The following SYNPR variants were observed in gnomAD, a reference collection of about 807,000 sequenced individuals.
SYNPR encodes the protein synaptoporin.
A neutral mutation model predicts 32.9 loss-of-function variants in SYNPR; 23 were observed. The observed-to-expected ratio is 0.70, with a 90% confidence interval of 0.50 to 0.99. The LOEUF (loss-of-function observed/expected upper bound fraction) is 0.99, where lower values mean the gene tolerates loss of function less well. Ranked by LOEUF, SYNPR falls within the 50% of genes least tolerant of loss-of-function variation. The pLI, the probability that SYNPR is intolerant of heterozygous loss-of-function variation, is 0.00. For missense variants in SYNPR, 318 were observed against 349.3 expected (o/e 0.91, Z 0.71); for synonymous variants, 146 against 135.9 (o/e 1.07, Z -0.52).
intron 4 of SYNPR, among the ~76,000 whole-genome samples, chr3:63,566,943 T>C (rs1575715000): frequency 6.6e-6 from 1 of 152,308 alleles, no homozygotes; most frequent in African/African-American, 2.4e-5. Context: ...TTAAATCTCA[T>C]TGGACTGATC....
intron 3 of SYNPR, among the ~76,000 whole-genome samples, chr3:63,504,510 T>C (rs1416843721): frequency 6.6e-6 from 1 of 152,186 alleles, no homozygotes; most frequent in Non-Finnish European, 1.5e-5. Flanking sequence ...AAAGTTTATC[T>C]ACAAGTCAGT....
At chr3:63,328,735 C>T (rs1365072629) in intron 2 of SYNPR, among the ~76,000 whole-genome samples, 3 of 152,062 alleles carry the variant, frequency 2.0e-5, no homozygotes, top group African/African-American at 7.2e-5. Context: ...CTCTGAATTC[C>T]CCAGAGCTGG....
intron 2 of SYNPR, among the ~76,000 whole-genome samples, chr3:63,410,673 C>T (rs2088452286): frequency 6.6e-6 from 1 of 152,148 alleles, no homozygotes; most frequent in African/African-American, 2.4e-5. Flanking sequence ...CCTAAAAACT[C>T]ACTTCCAGCC....
intron 2 of SYNPR, among the ~76,000 whole-genome samples, chr3:63,334,559 G>GT (rs1191395038): frequency 5.5e-4 from 77 of 141,088 alleles, no homozygotes; most frequent in African/African-American, 1.7e-3. Context: ...TGTGTGTGTG[G>GT]ACACACGTGG....
At chr3:63,430,862 T>C (rs1456242641) in intron 2 of SYNPR, among the ~76,000 whole-genome samples, 2 of 152,168 alleles carry the variant, frequency 1.3e-5, no homozygotes, top group Admixed American at 1.3e-4. Context: ...TCACAGGCAG[T>C]AGCTGGAAAA....
intron 3 of SYNPR, among the ~76,000 whole-genome samples, chr3:63,270,870 TC>T (rs1183375166): frequency 8.9e-5 from 8 of 90,134 alleles, no homozygotes; most frequent in South Asian, 2.8e-4. Context: ...TTTCCTTCCT[TC>T]CTTCCTTCCT....
chr3:63,357,432 G>A (rs1272114506), intron 2 of SYNPR, among the ~76,000 whole-genome samples: 1 of 152,112 alleles, frequency 6.6e-6, no homozygotes, highest in Non-Finnish European at 1.5e-5. Context: ...CTAGCCATGA[G>A]TCTTTGGTTT....
chr3:63,374,617 A>G (rs1055231538), intron 2 of SYNPR, among the ~76,000 whole-genome samples: 1 of 152,342 alleles, frequency 6.6e-6, no homozygotes, highest in African/African-American at 2.4e-5. Context: ...AAATAATCCA[A>G]ATTCTATTGT....
At chr3:63,377,906 A>G (rs2087915700) in intron 2 of SYNPR, among the ~76,000 whole-genome samples, 1 of 152,032 alleles carries the variant, frequency 6.6e-6, no homozygotes, top group African/African-American at 2.4e-5. Flanking sequence ...AAATATTAAT[A>G]GATCAAGTTC....
chr3:63,312,435 C>G (rs536307094), intron 2 of SYNPR, among the ~76,000 whole-genome samples: 31 of 152,018 alleles, frequency 2.0e-4, no homozygotes, highest in Non-Finnish European at 3.4e-4. Context: ...TTCCCTCTCT[C>G]TCTCTTTCCC....
At position 63,304,775 on chromosome 3, in the gene SYNPR, T is replaced by C. The variant is rs369360139; in HGVS notation, c.84+26033T>C. On this transcript the variant is annotated intron_variant, in intron 2 of 5. Coordinates refer to ENST00000478300, the MANE Select transcript of SYNPR (RefSeq NM_001130003.2). ...TTTAGAAGCTAAATTTCTGTTCTTT[T>C]ATTTGATTAATTAATTTTATTTAAT... 5.1e-5 allele frequency among the ~76,000 whole-genome samples: 4 copies of C among 78,098 alleles called. No homozygotes were observed. The Admixed American group carries it at 6.3e-4, about 12-fold the overall frequency. The allele number at this position is 78,098 out of a possible 152,430, so 51.2% of individuals were successfully genotyped here. A position where few individuals can be genotyped will look rare whatever the true frequency, so the allele number is the denominator to read the frequency against.
In SYNPR at chr3:63,392,990, T is replaced by C. The variant is rs150604951; in HGVS notation, c.85-87842T>C. On this transcript the variant is annotated intron_variant, in intron 2 of 5. Coordinates refer to ENST00000478300, the MANE Select transcript of SYNPR (RefSeq NM_001130003.2). The stretch of plus-strand genomic sequence containing the variant: ...GTATTTTCCCATTTCTGTACATACC[T>C]ATGGCCGTGGAAAACTAAATGGTGT... 7.0e-3 allele frequency among the ~76,000 whole-genome samples: 1,065 copies of C among 152,318 alleles called. 6 individuals carry two copies. Among genetic ancestry groups the C allele is most frequent in the South Asian group, 0.019 (92 of 4,828 alleles).
chr3:63,427,424 G>A (rs1699913682), intron 2 of SYNPR: 1 of 152,186 alleles, frequency 6.6e-6, no homozygotes, highest in Admixed American at 6.5e-5. Flanking sequence ...GGATGAGAGA[G>A]AGACTGACCT....
At chr3:63,515,227 G>A (rs923768834) in intron 3 of SYNPR, among the ~76,000 whole-genome samples, 2 of 151,886 alleles carry the variant, frequency 1.3e-5, no homozygotes, top group African/African-American at 4.8e-5. Flanking sequence ...TGATATATCA[G>A]ACTTTGCCCT....
intron 2 of SYNPR, among the ~76,000 whole-genome samples, chr3:63,374,766 C>G (rs763105459): frequency 6.6e-6 from 1 of 152,148 alleles, no homozygotes; most frequent in Non-Finnish European, 1.5e-5. Context: ...TTACATTCTA[C>G]TCTACACAGC....
At chr3:63,342,047 G>T (rs2107003068) in intron 2 of SYNPR, among the ~76,000 whole-genome samples, 1 of 152,290 alleles carries the variant, frequency 6.6e-6, no homozygotes, top group Middle Eastern at 3.4e-3. Context: ...TAGGAAGTTT[G>T]TGTCTAGATT....
chr3:63,369,615 G>A (rs770863033), intron 2 of SYNPR, among the ~76,000 whole-genome samples: 13 of 152,294 alleles, frequency 8.5e-5, no homozygotes, highest in Non-Finnish European at 1.5e-4. Flanking sequence ...TGGTGTTCAA[G>A]CTTCGTAAGA....
chr3:63,542,593 T>C (rs560608548), intron 3 of SYNPR, among the ~76,000 whole-genome samples: 1 of 152,224 alleles, frequency 6.6e-6, no homozygotes, highest in East Asian at 1.9e-4. Context: ...AAGGAGCATT[T>C]ATAACTTTAG....
At chr3:63,599,607 T>C (rs1167524861) in intron 4 of SYNPR, among the ~76,000 whole-genome samples, 1 of 152,172 alleles carries the variant, frequency 6.6e-6, no homozygotes, top group Non-Finnish European at 1.5e-5. Context: ...CACACAATGA[T>C]GAAATCACCT....
Sources: gnomAD v4.1 joint callset for allele counts (sites outside exome capture counted in the v4.1 genomes callset) on GRCh38, gnomAD v4.1.1 for gene constraint, MANE v1.5 for transcripts, NCBI Gene and HGNC (gene_info 2026-07-23, HGNC 2026-07-21) for gene names.